Variants in WDR43 observed in about 807,000 individuals in gnomAD.
WDR43 encodes the protein WD repeat domain 43.
Under a neutral mutation model 91.4 loss-of-function variants are expected in WDR43, and 13 were observed. The ratio of observed to expected loss-of-function variants is 0.14; its 90% CI spans 0.09 to 0.23. The LOEUF (loss-of-function observed/expected upper bound fraction) is 0.23, where lower values mean the gene tolerates loss of function less well. Ranked by LOEUF, WDR43 falls within the 10% of genes least tolerant of loss-of-function variation. The probability of loss-of-function intolerance (pLI) is 1.00; values close to 1 mark genes in which losing one functional copy is unlikely to be tolerated. For synonymous variants in WDR43, 331 were observed against 287.9 expected, an observed-to-expected ratio of 1.15 and a Z score of -1.51; for missense variants, 780 against 809.4, an observed-to-expected ratio of 0.96 and a Z score of 0.44.
chr2:28,931,681 A>G (rs1489038438), intron 11 of WDR43, among the ~76,000 whole-genome samples: 1 of 151,470 alleles, frequency 6.6e-6, no homozygotes, highest in Non-Finnish European at 1.5e-5. Context: ...AGAACGTTTC[A>G]AAGATGTTAA....
intron 1 of WDR43, among the ~76,000 whole-genome samples, chr2:28,896,510 G>C (rs774733387): frequency 6.6e-6 from 1 of 152,122 alleles, no homozygotes; most frequent in Non-Finnish European, 1.5e-5. Flanking sequence ...TTGTTTCGGG[G>C]AAAGAAACAG....
intron 1 of WDR43, among the ~76,000 whole-genome samples, chr2:28,900,420 G>A (rs1273350238): frequency 6.6e-6 from 1 of 152,112 alleles, no homozygotes; most frequent in Non-Finnish European, 1.5e-5. Context: ...CTGACCTCGT[G>A]ATCCACCTGC....
In WDR43 at chr2:28,922,994, A is replaced by T; in HGVS notation, c.914+11A>T. On this transcript the variant is annotated intron_variant, in intron 7 of 17. Transcript: ENST00000407426. ...ACACATATTAAATGGGTAAGTAAGA[A>T]ATTTTCCAAGTAAGAAATTTGTTTC... is the stretch of plus-strand genomic sequence containing the variant. 2 of 1,607,652 alleles carry T rather than the reference A, an allele frequency of 1.2e-6. No individual in the cohort carries two copies. Among genetic ancestry groups the T allele is most frequent in the Non-Finnish European group, 1.7e-6 (2 of 1,177,708 alleles).
intron 1 of WDR43, chr2:28,895,999 T>C: frequency 6.6e-6 from 1 of 152,308 alleles, no homozygotes; most frequent in South Asian, 2.1e-4. Context: ...TTTGGGCATG[T>C]TTAGATATTT....
chr2:28,933,161 G>C (rs768742201), intron 11 of WDR43, among the ~76,000 whole-genome samples: 82 of 152,146 alleles, frequency 5.4e-4, no homozygotes, highest in Non-Finnish European at 7.1e-4. Context: ...AATTTATGTG[G>C]AAATGCAAAG....
chr2:28,937,890 T>C (rs1459970420), intron 13 of WDR43, 41 bp from the exon 14 acceptor site: 15 of 1,603,142 alleles, frequency 9.4e-6, no homozygotes, highest in Non-Finnish European at 1.2e-5. Context: ...AATTTACTTT[T>C]GAATTTGTGA....
At chr2:28,921,416 G>T (rs1391265679) in intron 6 of WDR43, among the ~76,000 whole-genome samples, 1 of 152,158 alleles carries the variant, frequency 6.6e-6, no homozygotes, top group Non-Finnish European at 1.5e-5. Flanking sequence ...GTGAGCCACT[G>T]TGCCCAGCCT....
Position 28,946,651 on chromosome 2 carries a change from G to T in WDR43, c.1906G>T (p.Val636Phe). 1 of 1,558,252 alleles carries T rather than the reference G, an allele frequency of 6.4e-7. No individual in the cohort carries two copies. Among genetic ancestry groups the T allele is most frequent in the Non-Finnish European group, 8.7e-7 (1 of 1,150,266 alleles). The change falls in exon 18 of 18, where the codon GTT (valine) becomes TTT (phenylalanine). Residue 636 changes from valine to phenylalanine, a missense_variant. By Grantham distance (50) the Val-to-Phe change is conservative. Coordinates refer to ENST00000407426, the MANE Select transcript of WDR43 (RefSeq NM_015131.3). ...GAGTGAAAGTGAAAAAGATGAGGACGTTGAAGAGGAAGATGAGGATGCCGA... is the reference window on the plus strand; with the variant it reads ...GAGTGAAAGTGAAAAAGATGAGGACTTTGAAGAGGAAGATGAGGATGCCGA... Reference protein sequence around the residue: ...EESESEKDEDVEEEDEDAEGK... With the variant: ...EESESEKDEDFEEEDEDAEGK...
intron 4 of WDR43, chr2:28,913,564 C>G (rs1670849261): frequency 2.3e-6 from 1 of 428,722 alleles, no homozygotes; most frequent in African/African-American, 2.1e-5. Context: ...TTCTAGCCTA[C>G]ATCCAGCATT....
At chr2:28,944,862 G>C (rs1671513419) in intron 16 of WDR43, among the ~76,000 whole-genome samples, 1 of 152,356 alleles carries the variant, frequency 6.6e-6, no homozygotes, top group East Asian at 1.9e-4. Context: ...TCTCCGGCCA[G>C]GCGGAGCCAG....
At chr2:28,935,957 C>T (rs1297591153) in intron 12 of WDR43, among the ~76,000 whole-genome samples, 2 of 152,088 alleles carry the variant, frequency 1.3e-5, no homozygotes, top group African/African-American at 4.8e-5. Context: ...CTCCCAAATT[C>T]TCATTTTGGT....
Position 28,912,782 on chromosome 2 carries a change from A to G in WDR43, c.606+72A>G, listed in dbSNP as rs1356221783. 31 of 1,549,938 alleles carry G rather than the reference A, an allele frequency of 2.0e-5. No homozygotes were observed. The South Asian group carries it at 2.8e-4, about 14-fold the overall frequency. ...ACAGAGAAAGGCAGAAGTTTGAACC[A>G]TAAGATATTATTTTAAGAATACAAA... On this transcript the variant is annotated intron_variant, in intron 4 of 17. Coordinates refer to ENST00000407426, the MANE Select transcript of WDR43 (RefSeq NM_015131.3).
Position 28,941,485 on chromosome 2 carries a change from G to C in WDR43, c.1645G>C (p.Gly549Arg), listed in dbSNP as rs761261745. ...GTTGCCTGACCTGGTACCCCAGCTGGGGACACTCTACCAGTTAATGGAAAG... is the reference window on the plus strand; with the variant it reads ...GTTGCCTGACCTGGTACCCCAGCTGCGGACACTCTACCAGTTAATGGAAAG... The part of the protein sequence containing the change: ...STLPDLVPQL[G>R]TLYQLMESRV... The change falls in exon 15 of 18, where the codon GGG (glycine) becomes CGG (arginine). Residue 549 changes from glycine (G) to arginine (R), a missense_variant. Gly to Arg is a moderately radical substitution (Grantham distance 125). Around this residue, in one of 4 missense-constraint regions of WDR43, gnomAD observed 426 missense variants for 467.8 expected, o/e 0.91. Coordinates refer to ENST00000407426, the MANE Select transcript of WDR43 (RefSeq NM_015131.3). 1.2e-6 allele frequency: 2 copies of C among 1,613,132 alleles called. No individual in the cohort carries two copies. The highest frequency in any genetic ancestry group is 1.7e-6 in the Non-Finnish European group (2 of 1,179,612).
intron 3 of WDR43, among the ~76,000 whole-genome samples, chr2:28,911,406 G>T (rs1362147491): frequency 6.6e-6 from 1 of 151,174 alleles, no homozygotes; most frequent in Non-Finnish European, 1.5e-5. Context: ...CCATTCTCCT[G>T]CCTCAGCCTC....
chr2:28,895,796 A>G (rs933137111), intron 1 of WDR43: 2 of 152,200 alleles, frequency 1.3e-5, no homozygotes, highest in Non-Finnish European at 2.9e-5. Flanking sequence ...GCACGTGGTT[A>G]TTGCGTTTAC....
intron 14 of WDR43, among the ~76,000 whole-genome samples, chr2:28,938,661 CTCT>C (rs551118897): frequency 4.6e-5 from 7 of 152,108 alleles, no homozygotes; most frequent in Non-Finnish European, 8.8e-5. Context: ...TAAAATGTAG[CTCT>C]TCTTAACACA....
chr2:28,910,694 T>TATAA (rs1001847583), intron 3 of WDR43, among the ~76,000 whole-genome samples: 21 of 148,312 alleles, frequency 1.4e-4, no homozygotes, highest in Non-Finnish European at 2.5e-4. Context: ...TATATATATA[T>TATAA]AATTATTATT....
chr2:28,901,197 A>C (rs990097942), intron 1 of WDR43, among the ~76,000 whole-genome samples: 1 of 152,282 alleles, frequency 6.6e-6, no homozygotes, highest in African/African-American at 2.4e-5. Flanking sequence ...ATTTAAAAAA[A>C]CACGGAAGAG....
rs1333554940 is a variant in WDR43 at position 28,946,638 on chromosome 2, A to G, written c.1893A>G (p.Glu631=). The G allele has an allele frequency of 6.4e-7, 1 of 1,557,162 alleles. No individual in the cohort carries two copies. Among genetic ancestry groups the G allele is most frequent in the South Asian group, 1.2e-5 (1 of 84,420 alleles). Residue 631 remains glutamate, a synonymous_variant, in exon 18 of 18, where the codon GAA becomes GAG. Coordinates refer to ENST00000407426, the MANE Select transcript of WDR43 (RefSeq NM_015131.3). Reference sequence around the variant, plus strand: ...AAGATGAGGAGGAGAGTGAAAGTGAAAAAGATGAGGACGTTGAAGAGGAAG... The same window carrying G: ...AAGATGAGGAGGAGAGTGAAAGTGAGAAAGATGAGGACGTTGAAGAGGAAG... The part of the protein sequence containing the change: ...WDEDEEESES[E]KDEDVEEEDE...
Sources: allele counts gnomAD v4.1 joint callset (sites outside exome capture counted in the v4.1 genomes callset), GRCh38; gene constraint gnomAD v4.1.1; regional missense constraint gnomAD v4.1.1; transcripts MANE v1.5; gene names NCBI Gene and HGNC (gene_info 2026-07-23, HGNC 2026-07-21).